KCNQ1: variants seen among roughly 807,000 people sequenced by gnomAD.
KCNQ1 encodes potassium voltage-gated channel subfamily Q member 1, also known as potassium voltage-gated channel subfamily KQT member 1.
KCNQ1 carries 49 observed loss-of-function variants against 72.4 expected under a neutral mutation model. That is an observed-to-expected ratio of 0.68 (90% CI 0.54 to 0.86). KCNQ1 has a LOEUF of 0.86. Ranked by LOEUF, KCNQ1 falls within the 40% of genes least tolerant of loss-of-function variation. KCNQ1 has a pLI of 0.00. For missense variants in KCNQ1, 790 were observed against 945.1 expected (o/e 0.84, Z 2.15); for synonymous variants, 450 against 412.6 (o/e 1.09, Z -1.10).
intron 15 of KCNQ1, among the ~76,000 whole-genome samples, chr11:2,814,458 A>G (rs1283999437): frequency 2.0e-5 from 3 of 150,554 alleles, no homozygotes; most frequent in Admixed American, 2.0e-4. Context: ...GGGTGGGTGG[A>G]TGGATGGATG....
In KCNQ1 at chr11:2,678,805, A is replaced by G. The variant is rs1268219166; in HGVS notation, c.1514+16724A>G. ...GCTAATAATGTCAGGGAGCATGAGC[A>G]CTTGTTTCTTCCAAGGCTCACTTCA... On this transcript the variant is annotated intron_variant, in intron 11 of 15. Coordinates refer to ENST00000155840, the MANE Select transcript of KCNQ1 (RefSeq NM_000218.3). This position sits in a 1 kb window ranked among gnomAD's most constrained non-coding sequence, Gnocchi z 4.9. The G allele has an allele frequency of 1.8e-5, 7 of 398,492 alleles. No homozygotes were observed. Among genetic ancestry groups the G allele is most frequent in the East Asian group, 3.6e-5 (1 of 28,086 alleles). The allele number at this position is 398,492 out of a possible 1,614,324, so 24.7% of individuals were successfully genotyped here.
chr11:2,536,144 C>T lies in KCNQ1; in HGVS notation c.477+8126C>T, dbSNP rs995320326. 1.3e-5 allele frequency among the ~76,000 whole-genome samples: 2 copies of T among 152,294 alleles called. No individual in the cohort carries two copies. Among genetic ancestry groups the T allele is most frequent in the East Asian group, 1.9e-4 (1 of 5,166 alleles). ...AGGGGCTGCTGAAGGAAGGCTGGTCCGCTCCCTGCCTGTGACAGGAGCTCA... is the reference window on the plus strand; with the variant it reads ...AGGGGCTGCTGAAGGAAGGCTGGTCTGCTCCCTGCCTGTGACAGGAGCTCA... On this transcript the variant is annotated intron_variant, in intron 2 of 15. Coordinates refer to ENST00000155840, the MANE Select transcript of KCNQ1 (RefSeq NM_000218.3). The surrounding 1 kb of genome is among the most constrained non-coding windows in gnomAD (Gnocchi z 7.4).
At chr11:2,667,050 A>T (rs1378550276) in intron 11 of KCNQ1, 2 of 398,564 alleles carry the variant, frequency 5.0e-6, no homozygotes. Context: ...GCCAGGCTCA[A>T]ACCCGTCTCT....
In KCNQ1 at chr11:2,831,068, C is replaced by A. The variant is rs187076180; in HGVS notation, c.1795-16699C>A. The stretch of plus-strand genomic sequence containing the variant: ...TGAGGGAAGCTGCCCATGCTCTCTG[C>A]GCCCCATTTTCTGGCCTCTGGCATG... On this transcript the variant is annotated intron_variant, in intron 15 of 15. Transcript: ENST00000155840. Among the ~76,000 whole-genome samples, 151 of 152,358 alleles carry A rather than the reference C, an allele frequency of 9.9e-4. 1 individual carries two copies. Among genetic ancestry groups the A allele is most frequent in the Admixed American group, 2.7e-3 (41 of 15,310 alleles).
At chr11:2,684,753 G>C (rs967160550) in intron 11 of KCNQ1, 2 of 398,506 alleles carry the variant, frequency 5.0e-6, no homozygotes, top group African/African-American at 4.1e-5. Context: ...GGAGAAAAGG[G>C]GTAAGGGAGG....
At chr11:2,776,735 C>T (rs1846709313) in intron 13 of KCNQ1, among the ~76,000 whole-genome samples, 4 of 152,312 alleles carry the variant, frequency 2.6e-5, no homozygotes, top group Middle Eastern at 3.4e-3. Flanking sequence ...CCACTCCTAC[C>T]CCCAGGGAGG....
intron 11 of KCNQ1, chr11:2,675,962 A>G: frequency 2.5e-6 from 1 of 398,646 alleles, no homozygotes; most frequent in Non-Finnish European, 4.4e-6. Context: ...AGAGTACAAA[A>G]GGGGTGAAAA....
intron 15 of KCNQ1, among the ~76,000 whole-genome samples, chr11:2,833,897 TG>T (rs1235085112): frequency 6.6e-6 from 1 of 152,162 alleles, no homozygotes; most frequent in East Asian, 1.9e-4. Flanking sequence ...TATGTCCAGA[TG>T]GGGCTGGAGC....
At chr11:2,825,119 A>G (rs1847813363) in intron 15 of KCNQ1, among the ~76,000 whole-genome samples, 1 of 152,214 alleles carries the variant, frequency 6.6e-6, no homozygotes, top group Non-Finnish European at 1.5e-5. Context: ...ATGCGCAGAG[A>G]CAGGGTCACG....
intron 10 of KCNQ1, chr11:2,648,988 T>TTTTTTTTTTTTTTTTTTTTTC (rs1849713855): frequency 6.2e-6 from 2 of 322,162 alleles, no homozygotes; most frequent in African/African-American, 2.3e-5. Flanking sequence ...TTTCTTTTTT[T>TTTTTTTTTTTTTTTTTTTTTC]TTTTTTTTTT....
At chr11:2,798,085 C>T (rs555356730) in intron 15 of KCNQ1, among the ~76,000 whole-genome samples, 2 of 152,304 alleles carry the variant, frequency 1.3e-5, no homozygotes, top group East Asian at 3.9e-4. Context: ...TTAGGGGTGT[C>T]TCTCCTCAAC....
In KCNQ1 at chr11:2,571,307, C is replaced by A. The variant is rs192254843; in HGVS notation, c.605-18C>A. 95 of 1,608,966 alleles carry A rather than the reference C, an allele frequency of 5.9e-5. No homozygotes were observed. In the African/African-American group the frequency reaches 7.2e-4, roughly 12 times the overall value. ...CTGTGGCGATCACGAAAAGCTCCCC[C>A]TCTCCTGCACTCCACAGACCTCATC... On this transcript the variant is annotated intron_variant, in intron 3 of 15. Coordinates refer to ENST00000155840, the MANE Select transcript of KCNQ1 (RefSeq NM_000218.3).
In KCNQ1 at chr11:2,479,558, A is replaced by T. The variant is rs1299337396; in HGVS notation, c.386+34074A>T. Reference sequence around the variant, plus strand: ...GCTATGGCTAGAGCGGCTGGGACACAGGGCACCAAGTCCCTAGGCTGCACA... The same window carrying T: ...GCTATGGCTAGAGCGGCTGGGACACTGGGCACCAAGTCCCTAGGCTGCACA... On this transcript the variant is annotated intron_variant, in intron 1 of 15. Coordinates refer to ENST00000155840, the MANE Select transcript of KCNQ1 (RefSeq NM_000218.3). The surrounding 1 kb of genome is among the most constrained non-coding windows in gnomAD (Gnocchi z 4.6). 6.6e-6 allele frequency among the ~76,000 whole-genome samples: 1 copy of T among 152,192 alleles called. No homozygotes were observed. Among genetic ancestry groups the T allele is most frequent in the African/African-American group, 2.4e-5 (1 of 41,448 alleles).
At position 2,569,171 on chromosome 11, in the gene KCNQ1, C is replaced by T. The variant is rs151123946; in HGVS notation, c.478-1457C>T. ...AGTGCTGGGATTACAGGCGTGAGCC[C>T]CCGCACCTGGCCCACACCCTTTCTT... is the stretch of plus-strand genomic sequence containing the variant. On this transcript the variant is annotated intron_variant, in intron 2 of 15. Coordinates refer to ENST00000155840, the MANE Select transcript of KCNQ1 (RefSeq NM_000218.3). Among the ~76,000 whole-genome samples, 426 of 152,284 alleles carry T rather than the reference C, an allele frequency of 2.8e-3. 2 individuals carry two copies. The highest frequency in any genetic ancestry group is 9.7e-3 in the African/African-American group (405 of 41,564).
At chr11:2,732,841 G>T (rs1845878027) in intron 11 of KCNQ1, among the ~76,000 whole-genome samples, 1 of 152,018 alleles carries the variant, frequency 6.6e-6, no homozygotes, top group Non-Finnish European at 1.5e-5. Context: ...CCAGGGAGGG[G>T]ACCCCTGCCC....
intron 1 of KCNQ1, 69 bp from the exon 2 acceptor site, chr11:2,527,859 C>A: frequency 7.0e-7 from 1 of 1,434,694 alleles, no homozygotes. Flanking sequence ...AGGGGCCCCT[C>A]CACTCCCCAG....
intron 15 of KCNQ1, among the ~76,000 whole-genome samples, chr11:2,789,809 A>G (rs1196187181): frequency 6.6e-6 from 1 of 152,188 alleles, no homozygotes; most frequent in African/African-American, 2.4e-5. Context: ...TCCCCCCAGT[A>G]AAGTGATGTC....
intron 6 of KCNQ1, among the ~76,000 whole-genome samples, chr11:2,576,041 G>T (rs2133738594): frequency 6.6e-6 from 1 of 152,374 alleles, no homozygotes; most frequent in South Asian, 2.1e-4. Flanking sequence ...GAGGACACTT[G>T]CTGTTGGCTT....
Position 2,711,557 on chromosome 11 carries a change from G to A in KCNQ1, c.1514+49476G>A, listed in dbSNP as rs974631727. Among the ~76,000 whole-genome samples the A allele has an allele frequency of 3.9e-5, 6 of 152,142 alleles. No homozygotes were observed. The highest frequency in any genetic ancestry group is 2.1e-4 in the South Asian group (1 of 4,816). On this transcript the variant is annotated intron_variant, in intron 11 of 15. Transcript: ENST00000155840. This position sits in a 1 kb window ranked among gnomAD's most constrained non-coding sequence, Gnocchi z 5.4. ...GTCGCCTGCCCAGAACGGGGCTCTCGGAGGCCAGGGTGACTCCACTATCCC... is the reference window on the plus strand; with the variant it reads ...GTCGCCTGCCCAGAACGGGGCTCTCAGAGGCCAGGGTGACTCCACTATCCC...
Sources: allele counts gnomAD v4.1 joint callset (sites outside exome capture counted in the v4.1 genomes callset), GRCh38; gene constraint gnomAD v4.1.1; non-coding constraint Gnocchi (gnomAD v3.1); transcripts MANE v1.5; gene names NCBI Gene and HGNC (gene_info 2026-07-23, HGNC 2026-07-21).